The following SLC12A1 variants were observed in gnomAD, a reference collection of about 807,000 sequenced individuals.
SLC12A1 encodes the protein solute carrier family 12 member 1.
A neutral mutation model predicts 130.4 loss-of-function variants in SLC12A1; 89 were observed. The observed-to-expected ratio is 0.68, with a 90% CI of 0.58 to 0.81. SLC12A1 has a LOEUF of 0.81. SLC12A1 is among the 40% of genes least tolerant of loss of function. SLC12A1 has a pLI of 0.00. For missense variants in SLC12A1, 1,310 were observed against 1,336.4 expected, an observed-to-expected ratio of 0.98 and a Z score of 0.31; for synonymous variants, 499 against 460.0, an observed-to-expected ratio of 1.08 and a Z score of -1.09.
In SLC12A1 at chr15:48,219,505, G is replaced by A. The variant is rs948461966; in HGVS notation, c.421-1129G>A. On this transcript the variant is annotated intron_variant, in intron 2 of 26. Coordinates refer to ENST00000380993, the MANE Select transcript of SLC12A1 (RefSeq NM_000338.3). ...CAGGAGGTGGAGGTTGCAGTGAGCCGAGTTCATACCACTGCATTCCAGCCT... is the reference window on the plus strand; with the variant it reads ...CAGGAGGTGGAGGTTGCAGTGAGCCAAGTTCATACCACTGCATTCCAGCCT... Among the ~76,000 whole-genome samples the A allele has an allele frequency of 7.9e-5, 12 of 151,812 alleles. No individual in the cohort carries two copies. The South Asian group carries it at 1.7e-3, about 21-fold the overall frequency.
chr15:48,219,659 GGAAA>G (rs1447774118), intron 2 of SLC12A1, among the ~76,000 whole-genome samples: 36 of 151,934 alleles, frequency 2.4e-4, no homozygotes, highest in South Asian at 8.3e-4. Flanking sequence ...GAAGAAAGAA[GGAAA>G]GAAAGAAAGA....
chr15:48,229,235 T>C lies in SLC12A1; in HGVS notation c.771T>C (p.Gly257=), dbSNP rs1446829802. The change falls in exon 6 of 27, where the codon GGT becomes GGC. Residue 257 remains glycine (G), a synonymous_variant. Transcript: ENST00000380993. ...LISRSLGPEF[G]GSIGLIFAFA... ...CCAGAAGTTTAGGGCCCGAGTTCGG[T>C]GGGTCAATAGGCCTGATCTTTGCTT... 3 of 1,594,720 alleles carry C rather than the reference T, an allele frequency of 1.9e-6. No homozygotes were observed. Among genetic ancestry groups the C allele is most frequent in the African/African-American group, 1.3e-5 (1 of 74,736 alleles).
In SLC12A1 at chr15:48,223,612, G is replaced by T. The variant is rs879169038; in HGVS notation, c.628+2616G>T. 1.8e-4 allele frequency: 28 copies of T among 152,326 alleles called. No homozygotes were observed. In the East Asian group the frequency reaches 5.2e-3, roughly 28 times the overall value. The allele number at this position is 152,326 out of a possible 1,614,324, so 9.4% of individuals were successfully genotyped here. On this transcript the variant is annotated intron_variant, in intron 4 of 26. Transcript: ENST00000380993. ...AAATAATAAGGTTGGAGTAGGTTTA[G>T]TGTTATGAAATGCAAATTATATGGT...
intron 20 of SLC12A1, among the ~76,000 whole-genome samples, chr15:48,277,271 G>A (rs1050602110): frequency 2.0e-5 from 3 of 149,846 alleles, no homozygotes; most frequent in African/African-American, 4.9e-5. Flanking sequence ...AAAATTGAGG[G>A]AAAGGCATGA....
chr15:48,266,975 G>A (rs1048946567), intron 17 of SLC12A1, among the ~76,000 whole-genome samples: 3 of 152,158 alleles, frequency 2.0e-5, no homozygotes, highest in Non-Finnish European at 2.9e-5. Flanking sequence ...TTCATTGAAT[G>A]ACAAGGAAAT....
At chr15:48,289,429 A>ATATAT (rs60319528) in intron 23 of SLC12A1, among the ~76,000 whole-genome samples, 22 of 119,542 alleles carry the variant, frequency 1.8e-4, no homozygotes, top group African/African-American at 3.0e-4. Context: ...ATATATATAT[A>ATATAT]ATGTATAACT....
chr15:48,219,342 G>A (rs1478066537), intron 2 of SLC12A1, among the ~76,000 whole-genome samples: 1 of 152,086 alleles, frequency 6.6e-6, no homozygotes, highest in Non-Finnish European at 1.5e-5. Flanking sequence ...AGGGTCATGA[G>A]GTCAAGAGAT....
At chr15:48,299,622 G>T (rs1210408533) in intron 25 of SLC12A1, among the ~76,000 whole-genome samples, 1 of 152,196 alleles carries the variant, frequency 6.6e-6, no homozygotes, top group African/African-American at 2.4e-5. Flanking sequence ...AAGTTAGATT[G>T]ACTCACAATT....
intron 4 of SLC12A1, 127 bp from the exon 5 acceptor site, chr15:48,226,349 A>G (rs2041285570): frequency 1.7e-6 from 1 of 599,726 alleles, no homozygotes; most frequent in Admixed American, 3.6e-5. Flanking sequence ...CCTTAGCACA[A>G]AGAAACCCCG....
At chr15:48,280,822 G>T (rs1408731126) in intron 20 of SLC12A1, among the ~76,000 whole-genome samples, 1 of 151,526 alleles carries the variant, frequency 6.6e-6, no homozygotes, top group Non-Finnish European at 1.5e-5. Context: ...TTCAAACATT[G>T]TCTTTTGTAC....
Position 48,232,803 on chromosome 15 carries a change from AT to A in SLC12A1, c.1053del (p.Asn351LysfsTer77), listed in dbSNP as rs1438085526. The A allele has an allele frequency of 1.2e-6, 2 of 1,612,206 alleles. No individual in the cohort carries two copies. Among genetic ancestry groups the A allele is most frequent in the Admixed American group, 3.3e-5 (2 of 59,998 alleles). ...ATTGGAACTGTCATTCCATCCAACA[AT>A]GAGAAAAAGTCCAGAGGTTTCTTTA... is the stretch of plus-strand genomic sequence containing the variant. ...FFIGTVIPSN[N>X]EKKSRGFFNY... On this transcript the variant is annotated frameshift_variant, in exon 8 of 27. Coordinates refer to ENST00000380993, the MANE Select transcript of SLC12A1 (RefSeq NM_000338.3). LOFTEE classifies it high-confidence loss of function.
rs767198562 is a variant in SLC12A1 at position 48,302,745 on chromosome 15, A to T, written c.3165-5A>T. The T allele has an allele frequency of 8.1e-6, 13 of 1,603,960 alleles. No homozygotes were observed. Among genetic ancestry groups the T allele is most frequent in the Non-Finnish European group, 1.1e-5 (13 of 1,175,554 alleles). On this transcript the variant is annotated splice_region_variant and splice_polypyrimidine_tract_variant and intron_variant, in intron 26 of 26. Transcript: ENST00000380993. ...CATTTTTAAATTTTTCCTTCATGTC[A>T]TTAGGAGCCTTCCCGTGGCAAGAAA...
intron 9 of SLC12A1, among the ~76,000 whole-genome samples, chr15:48,236,205 G>A (rs2041438605): frequency 6.6e-6 from 1 of 151,792 alleles, no homozygotes. Context: ...ATATTTTCAA[G>A]ACTCATTAAG....
At chr15:48,297,543 T>C (rs2042190433) in intron 24 of SLC12A1, among the ~76,000 whole-genome samples, 1 of 152,234 alleles carries the variant, frequency 6.6e-6, no homozygotes, top group Non-Finnish European at 1.5e-5. Context: ...ACTATTTTTG[T>C]ACTGTGCTTT....
At chr15:48,230,367 A>C in intron 6 of SLC12A1, 26 bp from the exon 7 acceptor site, 1 of 1,434,744 alleles carries the variant, frequency 7.0e-7, no homozygotes, top group Non-Finnish European at 9.8e-7. Context: ...CTGTATCTCT[A>C]AGCACTTAAT....
chr15:48,241,731 C>G, intron 10 of SLC12A1, 132 bp downstream of exon 10: 5 of 688,190 alleles, frequency 7.3e-6, no homozygotes, highest in Admixed American at 6.6e-5. Flanking sequence ...GTTCTTGGTA[C>G]CTTAATGTTA....
chr15:48,266,312 T>C (rs1175484606), intron 17 of SLC12A1, among the ~76,000 whole-genome samples: 1 of 152,196 alleles, frequency 6.6e-6, no homozygotes, highest in African/African-American at 2.4e-5. Context: ...ACTTTATTAT[T>C]ACTACTTAAA....
intron 23 of SLC12A1, among the ~76,000 whole-genome samples, chr15:48,289,640 C>G (rs2042099717): frequency 6.6e-6 from 1 of 151,836 alleles, no homozygotes; most frequent in African/African-American, 2.4e-5. Context: ...TGCTGTTGCT[C>G]CTAGGCTACA....
intron 25 of SLC12A1, among the ~76,000 whole-genome samples, chr15:48,300,478 C>T (rs550795559): frequency 6.6e-6 from 1 of 152,144 alleles, no homozygotes; most frequent in South Asian, 2.1e-4. Context: ...CTGGGGCCCA[C>T]GAGCTTCAGA....
Sources: allele counts gnomAD v4.1 joint callset (sites outside exome capture counted in the v4.1 genomes callset), GRCh38; gene constraint gnomAD v4.1.1; transcripts MANE v1.5; gene names NCBI Gene and HGNC (gene_info 2026-07-23, HGNC 2026-07-21).